Variants in IL1R2 observed in about 807,000 individuals in gnomAD.
The protein encoded by IL1R2 is interleukin 1 receptor type 2.
IL1R2 carries 46 observed loss-of-function variants against 39.5 expected under a neutral mutation model. That is an observed-to-expected ratio of 1.16 (90% CI 0.92 to 1.49). IL1R2 has a LOEUF of 1.49. IL1R2 is among the 40% of genes most tolerant of loss of function. The pLI is 0.00. For missense variants in IL1R2, 537 were observed against 502.0 expected, an observed-to-expected ratio of 1.07 and a Z score of -0.67; for synonymous variants, 207 against 189.6, an observed-to-expected ratio of 1.09 and a Z score of -0.75.
intron 1 of IL1R2, among the ~76,000 whole-genome samples, chr2:102,006,460 A>C (rs573328631): frequency 2.0e-4 from 31 of 152,034 alleles, no homozygotes; most frequent in Non-Finnish European, 4.3e-4. Flanking sequence ...GAGTCCTTGG[A>C]CTCAGGGTTC....
chr2:102,022,828 G>A (rs1351175025), intron 6 of IL1R2, among the ~76,000 whole-genome samples: 3 of 152,232 alleles, frequency 2.0e-5, no homozygotes, highest in Admixed American at 1.3e-4. Context: ...GTGAGGGTAC[G>A]TAAGTGTACT....
At chr2:102,001,597 C>T in intron 1 of IL1R2, among the ~76,000 whole-genome samples, 1 of 152,158 alleles carries the variant, frequency 6.6e-6, no homozygotes, top group Non-Finnish European at 1.5e-5. Context: ...AGTTTCTGGA[C>T]AACTCATCTA....
chr2:102,024,856 T>C (rs980201625), intron 7 of IL1R2, 188 bp downstream of exon 7: 4 of 704,160 alleles, frequency 5.7e-6, no homozygotes, highest in Non-Finnish European at 8.7e-6. Context: ...TCTCTGTAAA[T>C]ACTTAAAAGT....
chr2:102,014,638 A>C (rs1041163728), intron 3 of IL1R2, among the ~76,000 whole-genome samples: 4 of 150,746 alleles, frequency 2.7e-5, no homozygotes, highest in African/African-American at 9.7e-5. Flanking sequence ...CATTTCTTTC[A>C]CCTTTTTTTT....
chr2:102,015,288 G>A (rs1207407923), intron 3 of IL1R2, among the ~76,000 whole-genome samples: 1 of 152,186 alleles, frequency 6.6e-6, no homozygotes, highest in African/African-American at 2.4e-5. Flanking sequence ...ATGAACCTTG[G>A]TGGCATTAGA....
Position 102,026,230 on chromosome 2 carries a change from C to T in IL1R2, c.1007C>T (p.Thr336Ile), listed in dbSNP as rs775603167. Residue 336 changes from threonine to isoleucine, a missense_variant, in exon 8 of 9, where the codon ACA becomes ATA. Physicochemically the swap from Thr to Ile is moderately conservative, Grantham distance 89. Coordinates refer to ENST00000332549, the MANE Select transcript of IL1R2 (RefSeq NM_004633.4). ...GTCCATAATACCCTGAGTTTTCAGA[C>T]ACTACGCACCACAGTCAAGGAAGGT... ...CVVHNTLSFQ[T>I]LRTTVKEASS... 3.1e-6 allele frequency: 5 copies of T among 1,611,450 alleles called. No individual in the cohort carries two copies. Among genetic ancestry groups the T allele is most frequent in the South Asian group, 2.2e-5 (2 of 90,544 alleles).
At position 102,009,746 on chromosome 2, in the gene IL1R2, A is replaced by G. The variant is rs143906708; in HGVS notation, c.252A>G (p.Thr84=). ...GGACGGTCCCAGGAGAAGAAGAGACACGGATGTGGGCCCAGGACGGTGCTC... is the reference window on the plus strand; with the variant it reads ...GGACGGTCCCAGGAGAAGAAGAGACGCGGATGTGGGCCCAGGACGGTGCTC... ...SARTVPGEEE[T]RMWAQDGALW... is the part of the protein sequence containing the mutation. Residue 84 remains threonine, a synonymous_variant, in exon 3 of 9, where the codon ACA becomes ACG. Transcript: ENST00000332549. 8,121 of 1,614,188 alleles carry G rather than the reference A, an allele frequency of 5.0e-3. 37 individuals carry two copies. Among genetic ancestry groups the G allele is most frequent in the Non-Finnish European group, 6.1e-3 (7,175 of 1,180,018 alleles).
intron 1 of IL1R2, among the ~76,000 whole-genome samples, chr2:102,005,438 G>C (rs1430148888): frequency 6.6e-6 from 1 of 152,156 alleles, no homozygotes; most frequent in Non-Finnish European, 1.5e-5. Context: ...ACAATATATT[G>C]GGAATAGGCT....
chr2:102,009,769 C>T lies in IL1R2; in HGVS notation c.275C>T (p.Ala92Val). 1 of 1,614,230 alleles carries T rather than the reference C, an allele frequency of 6.2e-7. No individual in the cohort carries two copies. Among genetic ancestry groups the T allele is most frequent in the Non-Finnish European group, 8.5e-7 (1 of 1,180,042 alleles). The change falls in exon 3 of 9, where the codon GCT (alanine) becomes GTT (valine). Residue 92 changes from alanine (A) to valine (V), a missense_variant. Transcript: ENST00000332549. ...EETRMWAQDG[A>V]LWLLPALQED... is the part of the protein sequence containing the mutation. ...ACACGGATGTGGGCCCAGGACGGTG[C>T]TCTGTGGCTTCTGCCAGCCTTGCAG...
At chr2:101,998,437 T>G (rs893939295) in intron 1 of IL1R2, among the ~76,000 whole-genome samples, 1 of 152,234 alleles carries the variant, frequency 6.6e-6, no homozygotes, top group African/African-American at 2.4e-5. Context: ...AATCTGCTTT[T>G]GATTGAGCAT....
At chr2:102,020,123 CT>C (rs1425991169) in intron 5 of IL1R2, among the ~76,000 whole-genome samples, 1 of 152,206 alleles carries the variant, frequency 6.6e-6, no homozygotes, top group African/African-American at 2.4e-5. Context: ...GGAAAGTGTC[CT>C]GTGAAGCTTT....
intron 1 of IL1R2, among the ~76,000 whole-genome samples, chr2:101,995,638 T>C (rs1675552295): frequency 6.6e-6 from 1 of 152,214 alleles, no homozygotes; most frequent in South Asian, 2.1e-4. Flanking sequence ...GTCCTGATAC[T>C]TCACTTTGAT....
chr2:102,024,449 C>T (rs28385688), intron 6 of IL1R2, 84 bp from the exon 7 acceptor site: 606 of 949,924 alleles, frequency 6.4e-4, no homozygotes, highest in Non-Finnish European at 9.1e-4. Context: ...TTTGAGAAGC[C>T]GAGGAGGGAC....
intron 1 of IL1R2, among the ~76,000 whole-genome samples, chr2:101,997,195 G>C (rs1675633845): frequency 6.6e-6 from 1 of 152,190 alleles, no homozygotes; most frequent in South Asian, 2.1e-4. Context: ...GCTGGCGTCT[G>C]TGACTGGGAA....
At position 102,009,643 on chromosome 2, in the gene IL1R2, GC is replaced by G; in HGVS notation, c.154del (p.Gln52ArgfsTer16). On this transcript the variant is annotated frameshift_variant, in exon 3 of 9. Coordinates refer to ENST00000332549, the MANE Select transcript of IL1R2 (RefSeq NM_004633.4). LOFTEE classifies it high-confidence loss of function. The part of the protein sequence containing the change: ...RLEGEPVALR[C>X]PQVPYWLWAS... The stretch of plus-strand genomic sequence containing the variant: ...GAAGGGGAGCCTGTAGCCCTGAGGT[GC>G]CCCCAGGTGCCCTACTGGTTGTGGG... 2.5e-6 allele frequency: 4 copies of G among 1,614,152 alleles called. No homozygotes were observed. The highest frequency in any genetic ancestry group is 3.4e-6 in the Non-Finnish European group (4 of 1,180,018).
chr2:101,995,885 T>TCAGAAG (rs1675563051), intron 1 of IL1R2, among the ~76,000 whole-genome samples: 2 of 152,212 alleles, frequency 1.3e-5, no homozygotes, highest in South Asian at 4.1e-4. Context: ...TTCCTATTTA[T>TCAGAAG]CAGAAGCAGA....
intron 2 of IL1R2, among the ~76,000 whole-genome samples, chr2:102,008,887 G>C (rs944688667): frequency 4.6e-5 from 7 of 151,098 alleles, no homozygotes; most frequent in Non-Finnish European, 1.0e-4. Flanking sequence ...AAGTAGTTGG[G>C]CGTGGTGGTG....
intron 7 of IL1R2, among the ~76,000 whole-genome samples, chr2:102,025,598 A>C (rs1677679115): frequency 6.6e-6 from 1 of 152,208 alleles, no homozygotes; most frequent in Non-Finnish European, 1.5e-5. Context: ...TTCCTCTAAC[A>C]CTATAAATGG....
intron 7 of IL1R2, 122 bp from the exon 8 acceptor site, chr2:102,025,989 A>G: frequency 1.3e-6 from 1 of 741,098 alleles, no homozygotes; most frequent in Non-Finnish European, 2.2e-6. Context: ...TAACTTTATG[A>G]AACTTGAAAA....
Sources: gnomAD v4.1 joint callset for allele counts (sites outside exome capture counted in the v4.1 genomes callset) on GRCh38, gnomAD v4.1.1 for gene constraint, MANE v1.5 for transcripts, NCBI Gene and HGNC (gene_info 2026-07-23, HGNC 2026-07-21) for gene names.